Variants in MGAT5 observed in about 807,000 individuals in gnomAD.
The protein encoded by MGAT5 is alpha-1,6-mannosylglycoprotein 6-beta-N-acetylglucosaminyltransferase A.
A neutral mutation model predicts 94.3 loss-of-function variants in MGAT5; 30 were observed. The observed-to-expected ratio is 0.32, with a 90% CI of 0.24 to 0.43. The LOEUF is 0.43. MGAT5 is among the 20% of genes least tolerant of loss of function. The pLI, the probability that MGAT5 is intolerant of heterozygous loss-of-function variation, is 1.00. For missense variants in MGAT5, 691 were observed against 905.5 expected, an observed-to-expected ratio of 0.76 and a Z score of 3.04; for synonymous variants, 310 against 322.9, an observed-to-expected ratio of 0.96 and a Z score of 0.43.
At chr2:134,124,649 A>C (rs562134395) in intron 1 of MGAT5, among the ~76,000 whole-genome samples, 33 of 152,338 alleles carry the variant, frequency 2.2e-4, no homozygotes, top group African/African-American at 7.2e-4. Context: ...GGCTCCCTGC[A>C]ATGGCTAAGG....
chr2:134,454,414 A>G lies in MGAT5; in HGVS notation c.*5567A>G, dbSNP rs1345813860. The G allele has an allele frequency of 6.6e-6, 1 of 152,196 alleles. No homozygotes were observed. Among genetic ancestry groups the G allele is most frequent in the Non-Finnish European group, 1.5e-5 (1 of 68,030 alleles). The allele number at this position is 152,196 out of a possible 1,614,324, so 9.4% of individuals were successfully genotyped here. On this transcript the variant is annotated 3_prime_UTR_variant, in exon 16 of 16. Transcript: ENST00000281923. Reference sequence around the variant, plus strand: ...GTCACAACCTTGACGTCTTTAAGCTAATGGCCGTTTGCATCTGTGTCTTCA... The same window carrying G: ...GTCACAACCTTGACGTCTTTAAGCTGATGGCCGTTTGCATCTGTGTCTTCA...
At chr2:134,361,556 A>G (rs759814581) in intron 9 of MGAT5, among the ~76,000 whole-genome samples, 2 of 152,238 alleles carry the variant, frequency 1.3e-5, no homozygotes, top group African/African-American at 2.4e-5. Context: ...GTCAAGCGTT[A>G]GAGAAGTTAC....
At chr2:134,321,009 G>C (rs1341672367) in intron 4 of MGAT5, among the ~76,000 whole-genome samples, 1 of 152,170 alleles carries the variant, frequency 6.6e-6, no homozygotes, top group Non-Finnish European at 1.5e-5. Context: ...GAAATGAACA[G>C]CTCTGAGAGT....
intron 1 of MGAT5, among the ~76,000 whole-genome samples, chr2:134,217,238 G>GGTGTGTGTGTGTGT (rs35795776): frequency 0.021 from 3,041 of 145,178 alleles, 121 homozygotes; most frequent in African/African-American, 0.067. Context: ...GAGAGAGAGT[G>GGTGTGTGTGTGTGT]GTGTGTGTGT....
At chr2:134,167,535 A>G (rs1042311012) in intron 1 of MGAT5, among the ~76,000 whole-genome samples, 1 of 152,168 alleles carries the variant, frequency 6.6e-6, no homozygotes, top group Non-Finnish European at 1.5e-5. Flanking sequence ...CCAGGTGATG[A>G]TGTTGCCGGT....
intron 1 of MGAT5, among the ~76,000 whole-genome samples, chr2:134,140,600 G>T (rs1005961024): frequency 1.3e-5 from 2 of 152,180 alleles, no homozygotes; most frequent in East Asian, 3.8e-4. Flanking sequence ...TCAGAAACAG[G>T]GCACAAAGGT....
chr2:134,127,500 C>A (rs113898364), intron 1 of MGAT5, among the ~76,000 whole-genome samples: 1 of 129,604 alleles, frequency 7.7e-6, no homozygotes. Context: ...AGGTTTCCCC[C>A]CCCCCCAGGC....
rs1268113280 is a variant in MGAT5, at chr2:134,428,459, A to G, written c.1869+20A>G. On this transcript the variant is annotated intron_variant, in intron 14 of 15. Coordinates refer to ENST00000281923, the MANE Select transcript of MGAT5 (RefSeq NM_002410.5). Reference sequence around the variant, plus strand: ...AAACAGGTAAGGCTTATCAGAAGTCAGTCTGTCTTTGCTGTGTACTGCTTC... The same window carrying G: ...AAACAGGTAAGGCTTATCAGAAGTCGGTCTGTCTTTGCTGTGTACTGCTTC... 2 of 1,608,724 alleles carry G rather than the reference A, an allele frequency of 1.2e-6. No homozygotes were observed. Among genetic ancestry groups the G allele is most frequent in the South Asian group, 1.1e-5 (1 of 90,996 alleles).
chr2:134,259,008 A>G (rs59973844), intron 1 of MGAT5, among the ~76,000 whole-genome samples: 1,738 of 152,092 alleles, frequency 0.011, 49 homozygotes, highest in African/African-American at 0.04. Flanking sequence ...CCCTTCCCCA[A>G]CCCATCCTTG....
At chr2:134,200,687 T>C (rs1679743417) in intron 1 of MGAT5, among the ~76,000 whole-genome samples, 1 of 152,086 alleles carries the variant, frequency 6.6e-6, no homozygotes, top group Admixed American at 6.5e-5. Flanking sequence ...AACAGATGAG[T>C]TCTCTGCTTC....
chr2:134,249,241 T>G (rs886343877), upstream of MGAT5, among the ~76,000 whole-genome samples: 16 of 151,904 alleles, frequency 1.1e-4, no homozygotes, highest in Non-Finnish European at 8.8e-5. Context: ...TTAACAGTTT[T>G]TTTTTTGAGA....
intron 10 of MGAT5, among the ~76,000 whole-genome samples, chr2:134,381,388 AGAT>A (rs777361290): frequency 0.022 from 2,225 of 101,908 alleles, 60 homozygotes; most frequent in African/African-American, 0.07. Flanking sequence ...TAGATTAGAT[AGAT>A]AGATAGATAG....
chr2:134,429,864 A>C (rs1302379012), intron 14 of MGAT5, among the ~76,000 whole-genome samples: 1 of 152,228 alleles, frequency 6.6e-6, no homozygotes, highest in Non-Finnish European at 1.5e-5. Flanking sequence ...TAATTCTCAC[A>C]GTAATTCCAG....
chr2:134,264,388 T>C (rs1463396609), intron 1 of MGAT5, among the ~76,000 whole-genome samples: 1 of 152,234 alleles, frequency 6.6e-6, no homozygotes, highest in Non-Finnish European at 1.5e-5. Context: ...CAAATATTTA[T>C]TGAACTCCTG....
At chr2:134,240,575 G>A (rs1681924798) in intron 1 of MGAT5, among the ~76,000 whole-genome samples, 1 of 152,054 alleles carries the variant, frequency 6.6e-6, no homozygotes, top group Non-Finnish European at 1.5e-5. Context: ...AAAAATTTAT[G>A]TTCTTAATGG....
chr2:134,333,329 C>G (rs1688103872), intron 4 of MGAT5, among the ~76,000 whole-genome samples: 1 of 150,024 alleles, frequency 6.7e-6, no homozygotes, highest in East Asian at 2.0e-4. Context: ...TAAACTATTG[C>G]AAGGACACAA....
At chr2:134,434,153 G>A (rs1685042051) in intron 14 of MGAT5, among the ~76,000 whole-genome samples, 5 of 152,150 alleles carry the variant, frequency 3.3e-5, no homozygotes, top group Admixed American at 1.3e-4. Flanking sequence ...AGCCAGTCCC[G>A]CTACCTGGCG....
chr2:134,156,155 C>T (rs1484373352), intron 1 of MGAT5, among the ~76,000 whole-genome samples: 1 of 152,208 alleles, frequency 6.6e-6, no homozygotes, highest in East Asian at 1.9e-4. Flanking sequence ...CCCAGCTCAG[C>T]TTGTGCGCTT....
chr2:134,155,690 CA>C (rs997020835), intron 1 of MGAT5, among the ~76,000 whole-genome samples: 1 of 152,180 alleles, frequency 6.6e-6, no homozygotes, highest in African/African-American at 2.4e-5. Flanking sequence ...GCCCAGGTGA[CA>C]TCTCCAGCTT....
Sources: allele counts gnomAD v4.1 joint callset (sites outside exome capture counted in the v4.1 genomes callset), GRCh38; gene constraint gnomAD v4.1.1; transcripts MANE v1.5; gene names NCBI Gene and HGNC (gene_info 2026-07-23, HGNC 2026-07-21).